The following GRK5 variants were observed in gnomAD, a reference collection of about 807,000 sequenced individuals.
GRK5 encodes g protein-coupled receptor kinase GRK5.
A neutral mutation model predicts 78.4 loss-of-function variants in GRK5; 40 were observed. The ratio of observed to expected loss-of-function variants is 0.51; its 90% confidence interval spans 0.40 to 0.66. GRK5 has a LOEUF of 0.66. GRK5 is among the 30% of genes least tolerant of loss of function. GRK5 has a pLI of 0.00. For synonymous variants in GRK5, 289 were observed against 296.8 expected (o/e 0.97, Z 0.27); for missense variants, 598 against 759.9 (o/e 0.79, Z 2.50).
chr10:119,394,180 GGGTGTCTGTGTATGGGGGTGTGTATC>G (rs1851944010), intron 3 of GRK5, among the ~76,000 whole-genome samples: 1 of 149,708 alleles, frequency 6.7e-6, no homozygotes, highest in Non-Finnish European at 1.5e-5. Flanking sequence ...GTGTGTGTGT[GGGTGTCTGTGTATGGGGGTGTGTATC>G]TGTGTGTGGG....
At chr10:119,297,691 C>T (rs1422685871) in intron 1 of GRK5, among the ~76,000 whole-genome samples, 2 of 152,198 alleles carry the variant, frequency 1.3e-5, no homozygotes, top group Non-Finnish European at 2.9e-5. Flanking sequence ...CTTGCTCTTG[C>T]CCCCTCTTGC....
intron 2 of GRK5, among the ~76,000 whole-genome samples, chr10:119,370,323 C>A (rs1343377956): frequency 6.6e-6 from 1 of 152,158 alleles, no homozygotes; most frequent in African/African-American, 2.4e-5. Flanking sequence ...CAAGTGCCAC[C>A]AAACTTTGTG....
rs1041193982 is a variant in GRK5 at position 119,443,613 on chromosome 10, A to G, written c.1127A>G (p.Tyr376Cys). 1 of 1,613,568 alleles carries G rather than the reference A, an allele frequency of 6.2e-7. No individual in the cohort carries two copies. Among genetic ancestry groups the G allele is most frequent in the Non-Finnish European group, 8.5e-7 (1 of 1,179,906 alleles). Residue 376 changes from tyrosine to cysteine, a missense_variant, in exon 12 of 16, where the codon TAT (tyrosine) becomes TGT (cysteine). By Grantham distance (194) the Tyr-to-Cys change is radical (BLOSUM62 -2). Transcript: ENST00000392870. ...PDYWGLGCLI[Y>C]EMIEGQSPFR... ...TACTGGGGCCTTGGCTGCCTCATCT[A>G]TGAGATGATCGAGGGCCAGTCGCCG...
chr10:119,296,639 A>G (rs1222415446), intron 1 of GRK5, among the ~76,000 whole-genome samples: 1 of 152,244 alleles, frequency 6.6e-6, no homozygotes, highest in Admixed American at 6.5e-5. Flanking sequence ...GGTTGCTGGT[A>G]GGAAATGGTT....
At chr10:119,368,048 G>A (rs992284678) in intron 2 of GRK5, among the ~76,000 whole-genome samples, 4 of 152,216 alleles carry the variant, frequency 2.6e-5, no homozygotes, top group South Asian at 2.1e-4. Context: ...TTCCTGGCCC[G>A]GCCCTCCGTG....
Position 119,436,716 on chromosome 10 carries a change from G to A in GRK5, c.804G>A (p.Gly268=), listed in dbSNP as rs374267230. 3 of 1,614,110 alleles carry A rather than the reference G, an allele frequency of 1.9e-6. No individual in the cohort carries two copies. The highest frequency in any genetic ancestry group is 1.3e-5 in the African/African-American group (1 of 74,944). ...ALCLVLTIMN[G]GDLKFHIYNM... ...GCTTGGTCCTGACCATCATGAATGG[G>A]GGTGACCTGAAGTTCCACATCTACA... The change falls in exon 9 of 16, where the codon GGG becomes GGA. Residue 268 remains glycine, a synonymous_variant. Coordinates refer to ENST00000392870, the MANE Select transcript of GRK5 (RefSeq NM_005308.3).
At chr10:119,366,687 AATTG>A (rs1851456034) in intron 2 of GRK5, among the ~76,000 whole-genome samples, 1 of 152,122 alleles carries the variant, frequency 6.6e-6, no homozygotes, top group African/African-American at 2.4e-5. Flanking sequence ...GACCTGAGGA[AATTG>A]ATTGACCAAT....
chr10:119,326,699 G>A (rs1266346288), intron 2 of GRK5, 88 bp downstream of exon 2: 6 of 982,370 alleles, frequency 6.1e-6, no homozygotes, highest in Admixed American at 1.9e-5. Flanking sequence ...TGGGTGAGCC[G>A]CCAAGCTGTC....
chr10:119,396,954 A>G (rs368058364), intron 4 of GRK5, among the ~76,000 whole-genome samples, 182 bp downstream of exon 4: 1 of 152,254 alleles, frequency 6.6e-6, no homozygotes, highest in Admixed American at 6.5e-5. Context: ...GGCAGGGCCA[A>G]GATGGGGATG....
intron 8 of GRK5, among the ~76,000 whole-genome samples, chr10:119,432,371 C>T (rs772215785): frequency 6.6e-6 from 1 of 152,196 alleles, no homozygotes; most frequent in African/African-American, 2.4e-5. Context: ...TTGCTTGAAC[C>T]CAGGATTTCG....
chr10:119,364,355 G>A lies in GRK5; in HGVS notation c.149-16460G>A, dbSNP rs562633507. Reference sequence around the variant, plus strand: ...GTTCAGGGTATCCTTTTGGCTCCCAGGGCTTAACCCCAAGATTGAAGGACA... The same window carrying A: ...GTTCAGGGTATCCTTTTGGCTCCCAAGGCTTAACCCCAAGATTGAAGGACA... On this transcript the variant is annotated intron_variant, in intron 2 of 15. Coordinates refer to ENST00000392870, the MANE Select transcript of GRK5 (RefSeq NM_005308.3). 2.6e-5 allele frequency among the ~76,000 whole-genome samples: 4 copies of A among 152,334 alleles called. No homozygotes were observed. The East Asian group carries it at 7.7e-4, about 29-fold the overall frequency.
At chr10:119,404,907 A>G (rs567350414) in intron 4 of GRK5, among the ~76,000 whole-genome samples, 2 of 152,340 alleles carry the variant, frequency 1.3e-5, no homozygotes, top group South Asian at 4.1e-4. Context: ...AGATCAGGTA[A>G]CTGAGATTTG....
chr10:119,409,951 A>G (rs1232707746), intron 4 of GRK5, among the ~76,000 whole-genome samples: 1 of 152,102 alleles, frequency 6.6e-6, no homozygotes, highest in Non-Finnish European at 1.5e-5. Flanking sequence ...ATGTGGTTGC[A>G]TTGGCCTGAG....
chr10:119,256,363 G>C (rs1454841960), intron 1 of GRK5, among the ~76,000 whole-genome samples: 2 of 152,288 alleles, frequency 1.3e-5, no homozygotes, highest in East Asian at 3.9e-4. Flanking sequence ...CCTGGCTCCG[G>C]TAGTCGCCAG....
intron 1 of GRK5, among the ~76,000 whole-genome samples, chr10:119,279,328 T>G (rs1031836615): frequency 6.6e-6 from 1 of 152,152 alleles, no homozygotes; most frequent in Non-Finnish European, 1.5e-5. Context: ...GGTTAGAACT[T>G]CAACACAGGA....
intron 4 of GRK5, among the ~76,000 whole-genome samples, chr10:119,420,357 A>C (rs942453969): frequency 5.3e-5 from 8 of 151,236 alleles, no homozygotes; most frequent in East Asian, 1.9e-4. Context: ...AACAAACAAA[A>C]AAAAAAAACA....
chr10:119,421,286 G>C (rs1357998850), intron 4 of GRK5, among the ~76,000 whole-genome samples: 2 of 152,312 alleles, frequency 1.3e-5, no homozygotes, highest in East Asian at 3.9e-4. Context: ...TAGCCTGGAG[G>C]TACTGGTTCC....
Position 119,455,223 on chromosome 10 carries a change from T to G in GRK5, c.*156T>G. The G allele has an allele frequency of 1.4e-6, 1 of 719,334 alleles. No individual in the cohort carries two copies. Among genetic ancestry groups the G allele is most frequent in the Non-Finnish European group, 2.5e-6 (1 of 399,942 alleles). 44.6% of individuals were successfully genotyped at this position (719,334 alleles called of 1,614,324 possible). On this transcript the variant is annotated 3_prime_UTR_variant, in exon 16 of 16. Coordinates refer to ENST00000392870, the MANE Select transcript of GRK5 (RefSeq NM_005308.3). ...ATCCCGTCGACGTAGAACCTCGAGG[T>G]TTCTCAAAGAAATTTCCACTCAGGT...
chr10:119,216,548 C>T (rs1848577400), intron 1 of GRK5, among the ~76,000 whole-genome samples: 1 of 152,198 alleles, frequency 6.6e-6, no homozygotes, highest in Non-Finnish European at 1.5e-5. Flanking sequence ...GTGGCTCACG[C>T]CTGTAATCCC....
Sources: allele counts gnomAD v4.1 joint callset (sites outside exome capture counted in the v4.1 genomes callset), GRCh38; gene constraint gnomAD v4.1.1; transcripts MANE v1.5; gene names NCBI Gene and HGNC (gene_info 2026-07-23, HGNC 2026-07-21).